Variants in FAT3 observed in about 807,000 individuals in gnomAD.
The protein encoded by FAT3 is FAT atypical cadherin 3.
Under a neutral mutation model 310.2 loss-of-function variants are expected in FAT3, and 95 were observed. That is an observed-to-expected ratio of 0.31 (90% CI 0.26 to 0.36). FAT3 has a LOEUF of 0.36. Among genes scored for constraint, FAT3 ranks in the 10% least tolerant of loss-of-function variants. The pLI, the probability that FAT3 is intolerant of heterozygous loss-of-function variation, is 1.00. For missense variants in FAT3, 5,408 were observed against 5,715.6 expected (o/e 0.95, Z 1.74); for synonymous variants, 2,314 against 2,192.9 (o/e 1.06, Z -1.54).
At chr11:92,812,682 C>A (rs984329098) in intron 13 of FAT3, among the ~76,000 whole-genome samples, 3 of 152,122 alleles carry the variant, frequency 2.0e-5, no homozygotes, top group Non-Finnish European at 4.4e-5. Flanking sequence ...AGATTTCCAG[C>A]ATTTTATAAA....
rs138735825 is a variant in FAT3 at position 92,316,830 on chromosome 11, A to G, written c.-17-35266A>G. ...GCTCAGTAAACTATTTAATAGCCAC[A>G]TTGTAGCTTTCAGTCAATGATTTTC... On this transcript the variant is annotated intron_variant, in intron 1 of 27. Coordinates refer to ENST00000525166, the MANE Select transcript of FAT3 (RefSeq NM_001367949.2). Among the ~76,000 whole-genome samples the G allele has an allele frequency of 1.5e-4, 23 of 152,274 alleles. 1 individual carries two copies. The East Asian group carries it at 3.9e-3, about 26-fold the overall frequency.
At chr11:92,399,108 A>G (rs1009432044) in intron 2 of FAT3, among the ~76,000 whole-genome samples, 1 of 152,204 alleles carries the variant, frequency 6.6e-6, no homozygotes, top group African/African-American at 2.4e-5. Context: ...TAATTCAGTG[A>G]AAGTGTGGGA....
In FAT3 at chr11:92,801,852, A is replaced by C; in HGVS notation, c.8839A>C (p.Ser2947Arg). 8.1e-6 allele frequency: 13 copies of C among 1,613,970 alleles called. No homozygotes were observed. The highest frequency in any genetic ancestry group is 1.1e-5 in the Non-Finnish European group (13 of 1,179,856). The change falls in exon 10 of 28, where the codon AGC (serine) becomes CGC (arginine). Residue 2947 changes from serine to arginine, a missense_variant. By Grantham distance (110) the Ser-to-Arg change is moderately radical. This residue lies in a region of FAT3 where 4,588 missense variants were observed against 4,809.8 expected (regional missense o/e 0.95). Transcript: ENST00000525166. ...DPPGEVVAVLSTWDRDTSDVN... is the reference protein window; with the variant it reads ...DPPGEVVAVLRTWDRDTSDVN... ...ACCGGGCGAGGTGGTAGCCGTCCTC[A>C]GCACCTGGGACAGAGACACATCCGA...
chr11:92,535,151 C>T (rs796653750), intron 3 of FAT3, among the ~76,000 whole-genome samples: 16 of 152,228 alleles, frequency 1.1e-4, no homozygotes, highest in African/African-American at 3.6e-4. Flanking sequence ...GCTTAAAATA[C>T]TCCGTATGCC....
intron 13 of FAT3, among the ~76,000 whole-genome samples, chr11:92,811,440 C>T (rs543724433): frequency 3.3e-5 from 5 of 152,210 alleles, no homozygotes; most frequent in South Asian, 4.1e-4. Flanking sequence ...TGGACATGGA[C>T]GTCTGATTAG....
chr11:92,756,216 A>T (rs1313199464), intron 4 of FAT3, among the ~76,000 whole-genome samples: 1 of 152,236 alleles, frequency 6.6e-6, no homozygotes, highest in African/African-American at 2.4e-5. Flanking sequence ...AACCCTATAT[A>T]TGCTATCGTT....
intron 4 of FAT3, among the ~76,000 whole-genome samples, chr11:92,744,986 A>G (rs1487846872): frequency 1.3e-5 from 2 of 152,216 alleles, no homozygotes; most frequent in Non-Finnish European, 2.9e-5. Context: ...TCAGCTAGTA[A>G]TTAGAGCCGT....
At chr11:92,749,118 G>A (rs1945755597) in intron 4 of FAT3, 1 of 152,254 alleles carries the variant, frequency 6.6e-6, no homozygotes, top group Middle Eastern at 3.4e-3. Flanking sequence ...TATCTTGAAA[G>A]GTTTAAGTAT....
intron 3 of FAT3, among the ~76,000 whole-genome samples, chr11:92,612,685 T>C (rs898262627): frequency 6.6e-6 from 1 of 152,234 alleles, no homozygotes; most frequent in African/African-American, 2.4e-5. Flanking sequence ...TATACTGTAC[T>C]GCAACATATA....
intron 2 of FAT3, among the ~76,000 whole-genome samples, chr11:92,470,113 A>T (rs1239868813): frequency 6.6e-6 from 1 of 152,184 alleles, no homozygotes; most frequent in Non-Finnish European, 1.5e-5. Context: ...CTCCATTCTC[A>T]TGAGAAAGAA....
At chr11:92,640,142 CA>C (rs1257920712) in intron 3 of FAT3, among the ~76,000 whole-genome samples, 1 of 151,974 alleles carries the variant, frequency 6.6e-6, no homozygotes. Flanking sequence ...AGAGAGGCTA[CA>C]TCAGGGTCCT....
chr11:92,317,293 C>T (rs1467372468), intron 1 of FAT3, among the ~76,000 whole-genome samples: 1 of 152,076 alleles, frequency 6.6e-6, no homozygotes, highest in Non-Finnish European at 1.5e-5. Context: ...ATTATTTTTT[C>T]TCCAGTGGAA....
intron 3 of FAT3, among the ~76,000 whole-genome samples, chr11:92,533,809 T>A (rs1214723121): frequency 6.6e-6 from 1 of 151,970 alleles, no homozygotes; most frequent in Admixed American, 6.6e-5. Context: ...ATGGAGGTGG[T>A]AGTTCCTATA....
At chr11:92,463,599 T>C (rs145104689) in intron 2 of FAT3, among the ~76,000 whole-genome samples, 2,167 of 152,298 alleles carry the variant, frequency 0.014, 31 homozygotes, top group South Asian at 0.034. Context: ...CTATTTTTAT[T>C]GGCATCAGAA....
chr11:92,577,754 G>A lies in FAT3; in HGVS notation c.3607+52806G>A, dbSNP rs573091340. Among the ~76,000 whole-genome samples the A allele has an allele frequency of 7.2e-5, 11 of 152,134 alleles. No homozygotes were observed. In the East Asian group the frequency reaches 1.6e-3, roughly 21 times the overall value. On this transcript the variant is annotated intron_variant, in intron 3 of 27. Transcript: ENST00000525166. The stretch of plus-strand genomic sequence containing the variant: ...TAGGGATCAGCAAAGAAATTTACGG[G>A]GCAGCAGTGTGCTGGGAGATACTTG...
At chr11:92,618,131 C>A (rs1357949031) in intron 3 of FAT3, among the ~76,000 whole-genome samples, 2 of 152,172 alleles carry the variant, frequency 1.3e-5, no homozygotes, top group Non-Finnish European at 2.9e-5. Context: ...TGGGCTCCAC[C>A]CAGTTCGAGC....
intron 4 of FAT3, among the ~76,000 whole-genome samples, chr11:92,744,558 A>G (rs1945599918): frequency 6.6e-6 from 1 of 152,178 alleles, no homozygotes; most frequent in Non-Finnish European, 1.5e-5. Flanking sequence ...CCATTTTTTT[A>G]TAGGAACATG....
intron 3 of FAT3, among the ~76,000 whole-genome samples, chr11:92,686,361 A>G (rs1027835339): frequency 7.2e-5 from 11 of 152,336 alleles, no homozygotes; most frequent in Non-Finnish European, 1.2e-4. Context: ...GCTGTTTGCA[A>G]TTACAACATC....
At chr11:92,437,741 G>A (rs1478852205) in intron 2 of FAT3, among the ~76,000 whole-genome samples, 6 of 152,148 alleles carry the variant, frequency 3.9e-5, no homozygotes, top group Admixed American at 2.0e-4. Context: ...TGGCTTTTCC[G>A]TGTAGTGCAT....
Sources: gnomAD v4.1 joint callset for allele counts (sites outside exome capture counted in the v4.1 genomes callset) on GRCh38, gnomAD v4.1.1 for gene constraint, gnomAD v4.1.1 regional missense constraint, MANE v1.5 for transcripts, NCBI Gene and HGNC (gene_info 2026-07-23, HGNC 2026-07-21) for gene names.